BTBD8: variants seen among roughly 807,000 people sequenced by gnomAD.
The protein encoded by BTBD8 is BTB/POZ domain-containing protein 8.
A neutral mutation model predicts 162.9 loss-of-function variants in BTBD8; 110 were observed. That is an observed-to-expected ratio of 0.68 (90% CI 0.58 to 0.79). The LOEUF (loss-of-function observed/expected upper bound fraction) is 0.79, where lower values mean the gene tolerates loss of function less well. Ranked by LOEUF, BTBD8 falls within the 30% of genes least tolerant of loss-of-function variation. The pLI, the probability that BTBD8 is intolerant of heterozygous loss-of-function variation, is 0.00. For synonymous variants in BTBD8, 667 were observed against 716.1 expected (o/e 0.93, Z 1.10); for missense variants, 1,905 against 2,085.4 (o/e 0.91, Z 1.68).
intron 5 of BTBD8, among the ~76,000 whole-genome samples, chr1:92,136,462 G>A (rs1350553243): frequency 2.0e-5 from 3 of 151,766 alleles, no homozygotes; most frequent in African/African-American, 7.3e-5. Flanking sequence ...AAACTGTAGG[G>A]ATCTTGCCAG....
intron 9 of BTBD8, among the ~76,000 whole-genome samples, chr1:92,157,782 CAGGCACG>C (rs1342367881): frequency 6.6e-6 from 1 of 152,116 alleles, no homozygotes; most frequent in Non-Finnish European, 1.5e-5. Context: ...TCTGGGATTA[CAGGCACG>C]AGCCACTGTG....
At chr1:92,119,632 C>CT (rs147430647) in intron 4 of BTBD8, among the ~76,000 whole-genome samples, 35,935 of 141,882 alleles carry the variant, frequency 0.25, 5,138 homozygotes, top group South Asian at 0.36. Flanking sequence ...TTTCTTTTTT[C>CT]TTTTTTTTTT....
At position 92,181,831 on chromosome 1, in the gene BTBD8, A is replaced by G. The variant is rs1168818418; in HGVS notation, c.4148A>G (p.Asp1383Gly). Residue 1383 changes from aspartate to glycine, a missense_variant, in exon 17 of 18, where the codon GAT becomes GGT. This residue lies in a region of BTBD8 where 517 missense variants were observed against 606.6 expected (regional missense o/e 0.85). Coordinates refer to ENST00000636805, the MANE Select transcript of BTBD8 (RefSeq NM_001376131.1). ...QEIDQVSSSA[D>G]ETEDERSEAE... The stretch of plus-strand genomic sequence containing the variant: ...ATAGATCAGGTATCTTCTTCAGCAG[A>G]TGAAACAGAAGATGAAAGATCTGAA... 1.9e-6 allele frequency: 3 copies of G among 1,551,146 alleles called. No individual in the cohort carries two copies. The highest frequency in any genetic ancestry group is 2.6e-6 in the Non-Finnish European group (3 of 1,146,908).
intron 1 of BTBD8, among the ~76,000 whole-genome samples, chr1:92,084,066 A>G (rs1460743414): frequency 6.6e-6 from 1 of 152,190 alleles, no homozygotes; most frequent in African/African-American, 2.4e-5. Flanking sequence ...TAGTTATCCA[A>G]ATATGAGAAA....
intron 4 of BTBD8, among the ~76,000 whole-genome samples, chr1:92,113,628 G>A (rs1648957118): frequency 6.6e-6 from 1 of 152,194 alleles, no homozygotes; most frequent in South Asian, 2.1e-4. Context: ...TCATTGTCAG[G>A]AAGTAGCTTC....
At chr1:92,115,171 C>T in intron 4 of BTBD8, 1 of 532,914 alleles carries the variant, frequency 1.9e-6, no homozygotes, top group Non-Finnish European at 3.7e-6. Flanking sequence ...TTGGCAGCAC[C>T]AGTAGATAGA....
intron 12 of BTBD8, 50 bp downstream of exon 12, chr1:92,169,045 A>ACT (rs1557463211): frequency 6.9e-7 from 1 of 1,445,194 alleles, no homozygotes; most frequent in South Asian, 1.4e-5. Context: ...TCATTGTGAC[A>ACT]GCAGATATTT....
chr1:92,130,211 A>G (rs1199568628), intron 5 of BTBD8, among the ~76,000 whole-genome samples: 1 of 152,152 alleles, frequency 6.6e-6, no homozygotes. Context: ...GAATCCTATC[A>G]GATCAAGGAC....
In BTBD8 at chr1:92,184,442, T is replaced by C; in HGVS notation, c.*112T>C. 4.6e-6 allele frequency: 3 copies of C among 646,306 alleles called. No individual in the cohort carries two copies. The highest frequency in any genetic ancestry group is 7.8e-6 in the Non-Finnish European group (3 of 386,750). The allele number at this position is 646,306 out of a possible 1,614,324, so 40.0% of individuals were successfully genotyped here. ...TAAACTTTCTTTAATATTGAGTCTT[T>C]CCAATTTAATGAGGTAAACATAGTT... On this transcript the variant is annotated 3_prime_UTR_variant, in exon 18 of 18. Coordinates refer to ENST00000636805, the MANE Select transcript of BTBD8 (RefSeq NM_001376131.1).
At chr1:92,151,974 T>C (rs909804364) in intron 9 of BTBD8, among the ~76,000 whole-genome samples, 10 of 152,272 alleles carry the variant, frequency 6.6e-5, no homozygotes, top group East Asian at 3.9e-4. Context: ...TTTAGACTTA[T>C]AGAGCTCCAC....
intron 1 of BTBD8, among the ~76,000 whole-genome samples, chr1:92,084,369 C>T (rs952809393): frequency 1.2e-4 from 18 of 152,096 alleles, no homozygotes; most frequent in Admixed American, 6.5e-4. Context: ...GATGTACCTG[C>T]GTGTGTTGCG....
chr1:92,143,506 C>T (rs930084822), intron 7 of BTBD8, among the ~76,000 whole-genome samples: 58 of 151,298 alleles, frequency 3.8e-4, no homozygotes, highest in Admixed American at 1.4e-3. Flanking sequence ...TATTTATTTA[C>T]GTATGTATTT....
chr1:92,154,456 AT>A (rs1046883567), intron 9 of BTBD8, among the ~76,000 whole-genome samples: 3 of 152,036 alleles, frequency 2.0e-5, no homozygotes, highest in African/African-American at 7.2e-5. Flanking sequence ...GTTATCTTTT[AT>A]TTTTTTGATC....
intron 9 of BTBD8, among the ~76,000 whole-genome samples, chr1:92,159,147 A>T (rs140239878): frequency 6.6e-6 from 1 of 151,284 alleles, no homozygotes; most frequent in Non-Finnish European, 1.5e-5. Context: ...GTTTGTTTAC[A>T]TATATTTTTC....
At chr1:92,158,399 G>A (rs997674413) in intron 9 of BTBD8, among the ~76,000 whole-genome samples, 1 of 151,466 alleles carries the variant, frequency 6.6e-6, no homozygotes, top group Non-Finnish European at 1.5e-5. Flanking sequence ...ACTTCTATAT[G>A]TATTTTGTTT....
chr1:92,088,342 T>C (rs1030902338), intron 1 of BTBD8, among the ~76,000 whole-genome samples: 2 of 152,194 alleles, frequency 1.3e-5, no homozygotes, highest in African/African-American at 4.8e-5. Context: ...CATGTCAACT[T>C]TGCATTTTAA....
intron 12 of BTBD8, among the ~76,000 whole-genome samples, chr1:92,169,727 A>G (rs577968855): frequency 2.0e-5 from 3 of 152,216 alleles, no homozygotes; most frequent in Non-Finnish European, 4.4e-5. Flanking sequence ...TTATGAAGCA[A>G]ACATTTTAGT....
intron 1 of BTBD8, among the ~76,000 whole-genome samples, chr1:92,085,322 T>C (rs1024813278): frequency 2.6e-5 from 4 of 152,250 alleles, no homozygotes; most frequent in Non-Finnish European, 4.4e-5. Context: ...CTGGGCACGG[T>C]GGCTTATGCC....
chr1:92,142,912 G>A (rs1355884152), intron 7 of BTBD8, among the ~76,000 whole-genome samples: 1 of 152,204 alleles, frequency 6.6e-6, no homozygotes, highest in Non-Finnish European at 1.5e-5. Flanking sequence ...GCCATTTATA[G>A]TCTTCCATAT....
Sources: allele counts gnomAD v4.1 joint callset (sites outside exome capture counted in the v4.1 genomes callset), GRCh38; gene constraint gnomAD v4.1.1; regional missense constraint gnomAD v4.1.1; transcripts MANE v1.5; gene names NCBI Gene and HGNC (gene_info 2026-07-23, HGNC 2026-07-21).